Variants in ARPP21 observed in about 807,000 individuals in gnomAD.
ARPP21 encodes the protein cAMP-regulated phosphoprotein 21.
ARPP21 carries 69 observed loss-of-function variants against 113.2 expected under a neutral mutation model. That is an observed-to-expected ratio of 0.61 (90% CI 0.50 to 0.74). The LOEUF (loss-of-function observed/expected upper bound fraction) is 0.74. Ranked by LOEUF, ARPP21 falls within the 30% of genes least tolerant of loss-of-function variation. ARPP21 has a pLI of 0.00. For missense variants in ARPP21, 1,070 were observed against 1,037.4 expected, an observed-to-expected ratio of 1.03 and a Z score of -0.43; for synonymous variants, 368 against 375.5, an observed-to-expected ratio of 0.98 and a Z score of 0.23.
intron 9 of ARPP21, among the ~76,000 whole-genome samples, chr3:35,698,391 AT>A (rs1362185217): frequency 6.6e-6 from 1 of 151,660 alleles, no homozygotes; most frequent in Non-Finnish European, 1.5e-5. Context: ...ATAATTAACT[AT>A]TTTGAAAATG....
Position 35,739,532 on chromosome 3 carries a change from C to G in ARPP21, c.1965C>G (p.Pro655=), listed in dbSNP as rs772902776. 6.2e-7 allele frequency: 1 copy of G among 1,614,020 alleles called. No individual in the cohort carries two copies. Among genetic ancestry groups the G allele is most frequent in the African/African-American group, 1.3e-5 (1 of 75,052 alleles). Residue 655 remains proline (P), a synonymous_variant, in exon 18 of 21, where the codon CCC becomes CCG. Coordinates refer to ENST00000684406, the MANE Select transcript of ARPP21 (RefSeq NM_001385562.1). Reference sequence around the variant, plus strand: ...CCATCTCCCAGCAGGTCCTCCAGCCCCCTCCCTCACCACAGGGATTTGTGC... The same window carrying G: ...CCATCTCCCAGCAGGTCCTCCAGCCGCCTCCCTCACCACAGGGATTTGTGC... The part of the protein sequence containing the change: ...GPPISQQVLQ[P]PPSPQGFVQQ...
intron 15 of ARPP21, among the ~76,000 whole-genome samples, chr3:35,734,038 A>T (rs1229763202): frequency 6.6e-6 from 1 of 152,246 alleles, no homozygotes; most frequent in Non-Finnish European, 1.5e-5. Context: ...GCCATACAGA[A>T]ATATAGTAAA....
At chr3:35,648,903 AT>A (rs1217591673) in intron 1 of ARPP21, among the ~76,000 whole-genome samples, 3 of 152,232 alleles carry the variant, frequency 2.0e-5, no homozygotes, top group African/African-American at 7.2e-5. Context: ...TTTCTTTGCT[AT>A]CCAAATATTT....
At chr3:35,725,390 C>T (rs1018333741) in intron 14 of ARPP21, among the ~76,000 whole-genome samples, 2 of 152,104 alleles carry the variant, frequency 1.3e-5, no homozygotes, top group African/African-American at 4.8e-5. Context: ...TGGAAGAAAC[C>T]AGTGAAAAGT....
At chr3:35,770,289 G>T (rs1441165978) in intron 19 of ARPP21, among the ~76,000 whole-genome samples, 1 of 151,976 alleles carries the variant, frequency 6.6e-6, no homozygotes, top group Non-Finnish European at 1.5e-5. Flanking sequence ...TCATCAACTT[G>T]TCCTAGGAAA....
intron 9 of ARPP21, among the ~76,000 whole-genome samples, chr3:35,697,661 T>C (rs1322296362): frequency 6.6e-6 from 1 of 151,568 alleles, no homozygotes; most frequent in Non-Finnish European, 1.5e-5. Flanking sequence ...CAGACAACAG[T>C]GTACAGCAGT....
rs149388106 is a variant in ARPP21, at chr3:35,793,828, C to T, written c.2414C>T (p.Pro805Leu). 324 of 1,614,142 alleles carry T rather than the reference C, an allele frequency of 2.0e-4. 1 individual carries two copies. The African/African-American group carries it at 2.3e-3, about 12-fold the overall frequency. Reference protein sequence around the residue: ...TGMPVYCNVTPPTPQNNLRLI... With the variant: ...TGMPVYCNVTLPTPQNNLRLI... ...ATGCCTGTTTACTGTAATGTCACAC[C>T]GCCCACCCCTCAGAACAACCTTAGG... The change falls in exon 21 of 21, where the codon CCG becomes CTG. Residue 805 changes from proline (P) to leucine (L), a missense_variant. By Grantham distance (98) the Pro-to-Leu change is moderately conservative (BLOSUM62 -3). Transcript: ENST00000684406.
In ARPP21 at chr3:35,657,701, G is replaced by T. The variant is rs1705666946; in HGVS notation, c.-213+17303G>T. On this transcript the variant is annotated intron_variant, in intron 1 of 20. Transcript: ENST00000684406. The stretch of plus-strand genomic sequence containing the variant: ...GATGTCCAGCTTCAGAGTCCATGCA[G>T]ATAGTCTCAGTTGACTTAGTCCTAA... Among the ~76,000 whole-genome samples the T allele has an allele frequency of 2.0e-5, 3 of 152,102 alleles. No individual in the cohort carries two copies. In the South Asian group the frequency reaches 6.2e-4, roughly 31 times the overall value.
chr3:35,674,050 A>C (rs535816572), intron 1 of ARPP21, among the ~76,000 whole-genome samples: 2 of 152,078 alleles, frequency 1.3e-5, no homozygotes, highest in African/African-American at 2.4e-5. Flanking sequence ...TAAATAATGA[A>C]TTGTTTTCTT....
At chr3:35,639,406 A>C (rs1469779272), upstream of ARPP21, among the ~76,000 whole-genome samples, 1 of 151,676 alleles carries the variant, frequency 6.6e-6, no homozygotes, top group Non-Finnish European at 1.5e-5. This position sits in a 1 kb window ranked among gnomAD's most constrained non-coding sequence, Gnocchi z 5.0. Context: ...CACGTGCAAC[A>C]CGCGCGTTGC....
intron 19 of ARPP21, among the ~76,000 whole-genome samples, chr3:35,746,459 A>G (rs139374929): frequency 0.016 from 2,486 of 152,302 alleles, 45 homozygotes; most frequent in Middle Eastern, 0.048. Flanking sequence ...AGATAACTGT[A>G]TAAGTTATAT....
chr3:35,728,636 T>A (rs927866349), intron 14 of ARPP21, among the ~76,000 whole-genome samples: 1 of 152,092 alleles, frequency 6.6e-6, no homozygotes, highest in Non-Finnish European at 1.5e-5. Context: ...AAAGTCAGTG[T>A]CCTGATTCAT....
chr3:35,692,122 C>T (rs2082409831), intron 9 of ARPP21, among the ~76,000 whole-genome samples: 1 of 151,608 alleles, frequency 6.6e-6, no homozygotes, highest in Admixed American at 6.6e-5. Context: ...CACTCCACTT[C>T]TGTGGGCTTC....
chr3:35,670,073 C>G (rs2075943292), intron 1 of ARPP21, among the ~76,000 whole-genome samples: 1 of 152,122 alleles, frequency 6.6e-6, no homozygotes, highest in Non-Finnish European at 1.5e-5. Flanking sequence ...GCTTTTTCCT[C>G]TTTCTTTAGT....
At chr3:35,747,775 C>T (rs2095161852) in intron 19 of ARPP21, among the ~76,000 whole-genome samples, 1 of 151,850 alleles carries the variant, frequency 6.6e-6, no homozygotes, top group Admixed American at 6.6e-5. Flanking sequence ...GTGTCCAGTT[C>T]ACTTTATAAA....
At chr3:35,668,001 A>AGAG (rs2075198163) in intron 1 of ARPP21, among the ~76,000 whole-genome samples, 3 of 150,248 alleles carry the variant, frequency 2.0e-5, no homozygotes, top group African/African-American at 7.4e-5. Context: ...AAGAAGAAGA[A>AGAG]GAAGAAGAAG....
At chr3:35,685,849 A>G in intron 5 of ARPP21, 5 of 762,060 alleles carry the variant, frequency 6.6e-6, no homozygotes, top group Non-Finnish European at 8.0e-6. Context: ...TGAGCATATC[A>G]ATAAAAATAT....
rs74632211 is a variant in ARPP21, at chr3:35,740,847, C to T, written c.2010+1270C>T. Among the ~76,000 whole-genome samples the T allele has an allele frequency of 7.7e-3, 1,169 of 152,142 alleles. 8 individuals carry two copies. Among genetic ancestry groups the T allele is most frequent in the Non-Finnish European group, 0.013 (866 of 68,004 alleles). ...GCTTAGTGGCTCAGACCTTTAACCC[C>T]TGCACTTTGGGGGGCTGAGGCAAAA... On this transcript the variant is annotated intron_variant, in intron 18 of 20. Transcript: ENST00000684406.
Position 35,738,300 on chromosome 3 carries a change from A to T in ARPP21, c.1731A>T (p.Pro577=), listed in dbSNP as rs1324528520. 2 of 1,532,898 alleles carry T rather than the reference A, an allele frequency of 1.3e-6. No individual in the cohort carries two copies. Among genetic ancestry groups the T allele is most frequent in the African/African-American group, 2.7e-5 (2 of 72,952 alleles). 95.0% of individuals were successfully genotyped at this position (1,532,898 alleles called of 1,614,324 possible). Residue 577 remains proline (P), a synonymous_variant, in exon 17 of 21, where the codon CCA becomes CCT. Coordinates refer to ENST00000684406, the MANE Select transcript of ARPP21 (RefSeq NM_001385562.1). ...CCCAGCACCTCCTACCTGTGTCTCCAACGCAGCACTTTCCCATGGTACTGT... is the reference window on the plus strand; with the variant it reads ...CCCAGCACCTCCTACCTGTGTCTCCTACGCAGCACTTTCCCATGGTACTGT... ...FPPQHLLPVS[P]TQHFPMRDDV... is the part of the protein sequence containing the mutation.
Sources: allele counts gnomAD v4.1 joint callset (sites outside exome capture counted in the v4.1 genomes callset), GRCh38; gene constraint gnomAD v4.1.1; non-coding constraint Gnocchi (gnomAD v3.1); transcripts MANE v1.5; gene names NCBI Gene and HGNC (gene_info 2026-07-23, HGNC 2026-07-21).